Variants in CUBN observed in about 807,000 individuals in gnomAD.
The protein encoded by CUBN is cubilin.
CUBN carries 282 observed loss-of-function variants against 405.3 expected under a neutral mutation model. The ratio of observed to expected loss-of-function variants is 0.70; its 90% CI spans 0.63 to 0.77. CUBN has a LOEUF of 0.77. Ranked by LOEUF, CUBN falls within the 30% of genes least tolerant of loss-of-function variation. The pLI is 0.00. For synonymous variants in CUBN, 1,684 were observed against 1,617.0 expected, an observed-to-expected ratio of 1.04 and a Z score of -0.99; for missense variants, 4,514 against 4,475.2, an observed-to-expected ratio of 1.01 and a Z score of -0.25.
chr10:16,991,250 T>C (rs1171964486), intron 28 of CUBN, among the ~76,000 whole-genome samples: 1 of 152,232 alleles, frequency 6.6e-6, no homozygotes, highest in African/African-American at 2.4e-5. Flanking sequence ...TCATATGGGC[T>C]TTCCATGTGT....
chr10:16,828,811 G>C lies in CUBN; in HGVS notation c.10758C>G (p.Cys3586Trp). The C allele has an allele frequency of 6.2e-7, 1 of 1,607,384 alleles. No individual in the cohort carries two copies. Among genetic ancestry groups the C allele is most frequent in the Non-Finnish European group, 8.5e-7 (1 of 1,173,900 alleles). The change falls in exon 66 of 67, where the codon TGC becomes TGG. Residue 3586 changes from cysteine to tryptophan, a missense_variant. Physicochemically the swap from Cys to Trp is radical, Grantham distance 215 (BLOSUM62 -2). Coordinates refer to ENST00000377833, the MANE Select transcript of CUBN (RefSeq NM_001081.4). ...AAATGTTTGTTTTACTCACGCCTCC[G>C]CAGTATGGTCCAGAGGATGGAGAGC... is the stretch of plus-strand genomic sequence containing the variant. ...NASSPSSGPYCGGDTSIAPFV... is the reference protein window; with the variant it reads ...NASSPSSGPYWGGDTSIAPFV...
chr10:16,829,812 GT>G (rs1838921300), intron 65 of CUBN, among the ~76,000 whole-genome samples: 1 of 151,784 alleles, frequency 6.6e-6, no homozygotes, highest in African/African-American at 2.4e-5. Flanking sequence ...ATCTTGGTGG[GT>G]TTTTTTGTTT....
At chr10:17,125,812 G>A (rs565178399) in intron 4 of CUBN, among the ~76,000 whole-genome samples, 1 of 152,294 alleles carries the variant, frequency 6.6e-6, no homozygotes, top group South Asian at 2.1e-4. Flanking sequence ...CTTGAGTGCA[G>A]TGTCACGGTC....
rs1224016485 is a variant in CUBN, at chr10:17,045,129, G to T, written c.3550C>A (p.Pro1184Thr). The stretch of plus-strand genomic sequence containing the variant: ...TAGCATTCAGAGCTGTGGTAATAGG[G>T]CATCGGGTAGTTGGGAGATATGAAC... ...GTFISPNYPM[P>T]YYHSSECYWW... is the part of the protein sequence containing the mutation. The change falls in exon 25 of 67, where the codon CCC becomes ACC. Residue 1184 changes from proline to threonine, a missense_variant. Physicochemically the swap from Pro to Thr is conservative, Grantham distance 38 (BLOSUM62 -1). Transcript: ENST00000377833. 1.2e-6 allele frequency: 2 copies of T among 1,613,848 alleles called. No homozygotes were observed. Among genetic ancestry groups the T allele is most frequent in the Non-Finnish European group, 1.7e-6 (2 of 1,179,974 alleles).
intron 36 of CUBN, among the ~76,000 whole-genome samples, chr10:16,944,475 T>C (rs556051354): frequency 3.3e-5 from 5 of 152,344 alleles, no homozygotes; most frequent in African/African-American, 7.2e-5. Context: ...CCCCATGTTT[T>C]AGAACTTGAT....
chr10:16,872,752 A>C (rs868755467), intron 58 of CUBN, among the ~76,000 whole-genome samples: 4 of 152,230 alleles, frequency 2.6e-5, no homozygotes, highest in Non-Finnish European at 5.9e-5. Flanking sequence ...TATGAGAAAC[A>C]AATAGTGAGT....
At chr10:16,941,633 C>T (rs764700477) in intron 36 of CUBN, among the ~76,000 whole-genome samples, 4 of 151,994 alleles carry the variant, frequency 2.6e-5, no homozygotes, top group African/African-American at 4.8e-5. Flanking sequence ...CACTTGAACC[C>T]AGGAGTTTGA....
intron 56 of CUBN, 42 bp from the exon 57 acceptor site, chr10:16,877,139 C>T (rs906792968): frequency 7.7e-6 from 12 of 1,549,618 alleles, no homozygotes; most frequent in Non-Finnish European, 9.7e-6. Context: ...TCAGAACCTA[C>T]ACAAACAATT....
chr10:16,919,758 G>C (rs577245057), intron 44 of CUBN, among the ~76,000 whole-genome samples: 3 of 152,152 alleles, frequency 2.0e-5, no homozygotes, highest in Non-Finnish European at 4.4e-5. Flanking sequence ...GGGTCACAAG[G>C]GACAGTATCC....
chr10:16,840,121 T>C (rs1169970212), intron 62 of CUBN, among the ~76,000 whole-genome samples: 1 of 151,054 alleles, frequency 6.6e-6, no homozygotes, highest in African/African-American at 2.4e-5. Flanking sequence ...ATACCTAATG[T>C]TAAATGACGA....
rs971580629 is a variant in CUBN at position 17,075,522 on chromosome 10, C to T, written c.2302-3551G>A. Reference sequence around the variant, plus strand: ...TGTATTAAGGGTATTTCACTTCTAACACTGTATCACAAGGATATTCAAGAT... The same window carrying T: ...TGTATTAAGGGTATTTCACTTCTAATACTGTATCACAAGGATATTCAAGAT... On this transcript the variant is annotated intron_variant, in intron 17 of 66. Coordinates refer to ENST00000377833, the MANE Select transcript of CUBN (RefSeq NM_001081.4). 9.2e-5 allele frequency among the ~76,000 whole-genome samples: 14 copies of T among 152,258 alleles called. 1 individual carries two copies. Among genetic ancestry groups the T allele is most frequent in the Middle Eastern group, 3.4e-3 (1 of 294 alleles).
At chr10:17,048,072 C>T (rs1360128066) in intron 22 of CUBN, among the ~76,000 whole-genome samples, 2 of 152,210 alleles carry the variant, frequency 1.3e-5, no homozygotes, top group East Asian at 1.9e-4. Flanking sequence ...AGAGTGATCT[C>T]GAATGAAAAC....
Position 17,047,749 on chromosome 10 carries a change from G to A in CUBN, c.3140-146C>T, listed in dbSNP as rs1049866105. ...AATGTGCAAATAAAGACTTCATTCT[G>A]AAACAAAGTTTTTGTAATCTTAAAG... is the stretch of plus-strand genomic sequence containing the variant. On this transcript the variant is annotated intron_variant, in intron 22 of 66. Transcript: ENST00000377833. The A allele has an allele frequency of 1.1e-5, 8 of 725,206 alleles. No individual in the cohort carries two copies. The African/African-American group carries it at 1.3e-4, about 11-fold the overall frequency. The allele number at this position is 725,206 out of a possible 1,614,324, so 44.9% of individuals were successfully genotyped here.
At chr10:17,031,606 C>A (rs1257424072) in intron 27 of CUBN, among the ~76,000 whole-genome samples, 1 of 152,166 alleles carries the variant, frequency 6.6e-6, no homozygotes, top group Non-Finnish European at 1.5e-5. Context: ...CATTCTCTTG[C>A]GAACGAGTGC....
chr10:16,942,975 C>T (rs955657097), intron 36 of CUBN, among the ~76,000 whole-genome samples: 2 of 152,128 alleles, frequency 1.3e-5, no homozygotes, highest in Non-Finnish European at 1.5e-5. Context: ...TCAACATTAT[C>T]CATGGCAAGA....
intron 8 of CUBN, among the ~76,000 whole-genome samples, chr10:17,112,229 G>A (rs1836787638): frequency 6.6e-6 from 1 of 151,964 alleles, no homozygotes; most frequent in Non-Finnish European, 1.5e-5. Flanking sequence ...CTAAGACTCT[G>A]CCTAAGAAAA....
At chr10:17,008,865 C>A (rs1834102298) in intron 28 of CUBN, among the ~76,000 whole-genome samples, 1 of 152,144 alleles carries the variant, frequency 6.6e-6, no homozygotes, top group African/African-American at 2.4e-5. Context: ...CACTCTGTGT[C>A]CCCCGTCTCA....
chr10:17,059,715 C>T (rs1378981211), intron 22 of CUBN, among the ~76,000 whole-genome samples: 1 of 152,214 alleles, frequency 6.6e-6, no homozygotes, highest in Non-Finnish European at 1.5e-5. Context: ...AAGAAGCCTT[C>T]TCAATCAAAC....
chr10:16,900,821 G>A lies in CUBN; in HGVS notation c.8214C>T (p.Pro2738=). ...CAGAGTCCCAAGCACAAGTTGTATG[G>A]GGTTCAATATCAAAGTCACTAAATG... ...TLTFSDFDIE[P]HTTCAWDSVT... Residue 2738 remains proline (P), a synonymous_variant, in exon 53 of 67, where the codon CCC becomes CCT. Coordinates refer to ENST00000377833, the MANE Select transcript of CUBN (RefSeq NM_001081.4). 6.2e-7 allele frequency: 1 copy of A among 1,613,862 alleles called. No homozygotes were observed. Among genetic ancestry groups the A allele is most frequent in the Non-Finnish European group, 8.5e-7 (1 of 1,179,902 alleles).
Sources: allele counts gnomAD v4.1 joint callset (sites outside exome capture counted in the v4.1 genomes callset), GRCh38; gene constraint gnomAD v4.1.1; transcripts MANE v1.5; gene names NCBI Gene and HGNC (gene_info 2026-07-23, HGNC 2026-07-21).